The following GOLGA3 variants were observed in gnomAD, a reference collection of about 807,000 sequenced individuals.
GOLGA3 encodes the protein golgin A3, also known as golgin subfamily A member 3.
A neutral mutation model predicts 169.4 loss-of-function variants in GOLGA3; 75 were observed. The ratio of observed to expected loss-of-function variants is 0.44; its 90% CI spans 0.37 to 0.54. The LOEUF (loss-of-function observed/expected upper bound fraction) is 0.54, where lower values mean the gene tolerates loss of function less well. Among genes scored for constraint, GOLGA3 ranks in the 20% least tolerant of loss-of-function variants. GOLGA3 has a pLI of 0.00. For synonymous variants in GOLGA3, 824 were observed against 822.4 expected (o/e 1.00, Z -0.03); for missense variants, 1,899 against 1,930.0 (o/e 0.98, Z 0.30).
At position 132,792,730 on chromosome 12, in the gene GOLGA3, C is replaced by T. The variant is rs184064499; in HGVS notation, c.2470-1437G>A. ...GAGGGCTCCACACGGACCGACCGCA[C>T]GGGACCTGCACTCGGAGGGCTCCAC... On this transcript the variant is annotated intron_variant, in intron 11 of 23. Coordinates refer to ENST00000450791, the MANE Select transcript of GOLGA3 (RefSeq NM_001389683.1). Among the ~76,000 whole-genome samples the T allele has an allele frequency of 1.6e-3, 223 of 135,956 alleles. 12 individuals carry two copies. The highest frequency in any genetic ancestry group is 5.9e-3 in the African/African-American group (209 of 35,606). The allele number at this position is 135,956 out of a possible 152,430, so 89.2% of individuals were successfully genotyped here.
rs934490328 is a variant in GOLGA3, at chr12:132,769,412, A to G, written c.*3693T>C. The G allele has an allele frequency of 3.3e-5, 5 of 152,278 alleles. No individual in the cohort carries two copies. In the East Asian group the frequency reaches 9.6e-4, roughly 29 times the overall value. 9.4% of individuals were successfully genotyped at this position (152,278 alleles called of 1,614,324 possible). Reference sequence around the variant, plus strand: ...CCTGCACCAAGGAGAGTTGAGGGCCAGCTCCTTAGCGCAGCACAGCACGGA... The same window carrying G: ...CCTGCACCAAGGAGAGTTGAGGGCCGGCTCCTTAGCGCAGCACAGCACGGA... On this transcript the variant is annotated 3_prime_UTR_variant, in exon 24 of 24. Transcript: ENST00000450791.
At position 132,789,019 on chromosome 12, in the gene GOLGA3, G is replaced by T; in HGVS notation, c.2811+8C>A. On this transcript the variant is annotated splice_region_variant and intron_variant, in intron 13 of 23. Coordinates refer to ENST00000450791, the MANE Select transcript of GOLGA3 (RefSeq NM_001389683.1). ...CCCATCAAATGAGTCAACCCGACAC[G>T]GACAGACCTGCAAGTGTGTTTCCAT... 7.5e-7 allele frequency: 1 copy of T among 1,339,580 alleles called. No homozygotes were observed. The highest frequency in any genetic ancestry group is 9.9e-7 in the Non-Finnish European group (1 of 1,012,374). The allele number at this position is 1,339,580 out of a possible 1,614,324, so 83.0% of individuals were successfully genotyped here. A position where few individuals can be genotyped will look rare whatever the true frequency, so the allele number is the denominator to read the frequency against.
At chr12:132,799,537 G>T (rs141964579) in intron 8 of GOLGA3, among the ~76,000 whole-genome samples, 3 of 152,146 alleles carry the variant, frequency 2.0e-5, no homozygotes, top group Admixed American at 2.0e-4. Context: ...CTACTTGGGG[G>T]GCTGAGGCAG....
chr12:132,806,333 C>T (rs1313041443), intron 6 of GOLGA3, among the ~76,000 whole-genome samples: 2 of 152,194 alleles, frequency 1.3e-5, no homozygotes, highest in East Asian at 1.9e-4. Flanking sequence ...ATGCATCCGA[C>T]GGAGGGAGGC....
rs1484189605 is a variant in GOLGA3 at position 132,796,656 on chromosome 12, C to T, written c.1983G>A (p.Glu661=). ...GGTCCTCCTCCACCATCGTCTTTGC[C>T]TCCTGAATCTGCATGAAGGCTGCTT... ...DQEAAFMQIQ[E]AKTMVEEDLQ... Residue 661 remains glutamate (E), a synonymous_variant, in exon 10 of 24, where the codon GAG becomes GAA. Coordinates refer to ENST00000450791, the MANE Select transcript of GOLGA3 (RefSeq NM_001389683.1). 3.1e-6 allele frequency: 5 copies of T among 1,614,130 alleles called. No homozygotes were observed. The highest frequency in any genetic ancestry group is 4.2e-6 in the Non-Finnish European group (5 of 1,180,014).
intron 10 of GOLGA3, 22 bp from the exon 11 acceptor site, chr12:132,796,242 C>T (rs375750128): frequency 6.4e-7 from 1 of 1,569,332 alleles, no homozygotes; most frequent in Non-Finnish European, 8.6e-7. Context: ...ATGAAGCCCA[C>T]ATGGCTGCGC....
At chr12:132,803,269 T>C (rs1310878899) in intron 7 of GOLGA3, among the ~76,000 whole-genome samples, 1 of 152,212 alleles carries the variant, frequency 6.6e-6, no homozygotes, top group African/African-American at 2.4e-5. Context: ...CGTACTCTGC[T>C]GCTCCACACG....
chr12:132,774,107 G>A lies in GOLGA3; in HGVS notation c.4307+50C>T, dbSNP rs199601810. The A allele has an allele frequency of 4.4e-5, 66 of 1,498,722 alleles. No individual in the cohort carries two copies. In the East Asian group the frequency reaches 1.3e-3, roughly 29 times the overall value. 92.8% of individuals were successfully genotyped at this position (1,498,722 alleles called of 1,614,324 possible). A position where few individuals can be genotyped will look rare whatever the true frequency, so the allele number is the denominator to read the frequency against. ...CCAGGAGTGCCCTCCCAGGTAAGAG[G>A]GCATTAATCTTTAAGACTAGCTGAA... On this transcript the variant is annotated intron_variant, in intron 23 of 23. Coordinates refer to ENST00000450791, the MANE Select transcript of GOLGA3 (RefSeq NM_001389683.1).
rs374171027 is a variant in GOLGA3, at chr12:132,774,310, G to A, written c.4154C>T (p.Pro1385Leu). 2.5e-5 allele frequency: 41 copies of A among 1,611,880 alleles called. 2 individuals are homozygous for A. The highest frequency in any genetic ancestry group is 1.6e-4 in the South Asian group (15 of 91,072). Residue 1385 changes from proline to leucine, a missense_variant, in exon 23 of 24, where the codon CCG (proline) becomes CTG (leucine). By Grantham distance (98) the Pro-to-Leu change is moderately conservative. Coordinates refer to ENST00000450791, the MANE Select transcript of GOLGA3 (RefSeq NM_001389683.1). ...RRGAAKTRKE[P>L]KGEASSSNPA... is the part of the protein sequence containing the mutation. The stretch of plus-strand genomic sequence containing the variant: ...GTTGGAAGAGCTGGCCTCGCCTTTC[G>A]GCTCCTTTCTCTGTTTTTAAAAGCA...
chr12:132,812,023 AC>A (rs1280386161), intron 4 of GOLGA3, among the ~76,000 whole-genome samples: 2,326 of 144,746 alleles, frequency 0.016, 82 homozygotes, highest in African/African-American at 0.059. Context: ...AAAAAAAAAA[AC>A]ATTAAAAAAA....
At chr12:132,810,808 A>G (rs1266497064) in intron 4 of GOLGA3, among the ~76,000 whole-genome samples, 1 of 152,182 alleles carries the variant, frequency 6.6e-6, no homozygotes, top group Non-Finnish European at 1.5e-5. Flanking sequence ...GGAGGGCCTG[A>G]CGTCAGTCAG....
Position 132,822,108 on chromosome 12 carries a change from C to A in GOLGA3, c.21G>T (p.Glu7Asp). 6.2e-7 allele frequency: 1 copy of A among 1,607,650 alleles called. No individual in the cohort carries two copies. The highest frequency in any genetic ancestry group is 8.5e-7 in the Non-Finnish European group (1 of 1,177,702). The change falls in exon 2 of 24, where the codon GAG becomes GAT. Residue 7 changes from glutamate (E) to aspartate (D), a missense_variant. By Grantham distance (45) the Glu-to-Asp change is conservative. Transcript: ENST00000450791. Reference sequence around the variant, plus strand: ...ATCTGTCCTCCTGGAGGCCATCTTGCTCGGCCGACGCGCCGTCCATGGTCA... The same window carrying A: ...ATCTGTCCTCCTGGAGGCCATCTTGATCGGCCGACGCGCCGTCCATGGTCA... MDGASA[E>D]QDGLQEDRSH...
At position 132,822,051 on chromosome 12, in the gene GOLGA3, G is replaced by A. The variant is rs755765406; in HGVS notation, c.78C>T (p.Ala26=). 7 of 1,607,120 alleles carry A rather than the reference G, an allele frequency of 4.4e-6. No individual in the cohort carries two copies. The highest frequency in any genetic ancestry group is 2.2e-5 in the South Asian group (2 of 90,390). The change falls in exon 2 of 24, where the codon GCC becomes GCT. Residue 26 remains alanine (A), a synonymous_variant. Coordinates refer to ENST00000450791, the MANE Select transcript of GOLGA3 (RefSeq NM_001389683.1). ...CCAGTGGGCCCGGGGGCTTCAGTGG[G>A]GCCTCGGGGAGAGACGAGGGGCCAC... is the stretch of plus-strand genomic sequence containing the variant. ...SHSGPSSLPE[A]PLKPPGPLVP... is the part of the protein sequence containing the mutation.
At chr12:132,794,383 C>A (rs1471519432) in intron 11 of GOLGA3, among the ~76,000 whole-genome samples, 1 of 149,782 alleles carries the variant, frequency 6.7e-6, no homozygotes, top group Non-Finnish European at 1.5e-5. Flanking sequence ...CACATTCCGA[C>A]AAGGCCAGGC....
Position 132,777,170 on chromosome 12 carries a change from GTGGAAGGCGTTCGTCC to G in GOLGA3, c.3723-96_3723-81del. The G allele has an allele frequency of 6.8e-7, 1 of 1,463,308 alleles. No individual in the cohort carries two copies. Among genetic ancestry groups the G allele is most frequent in the Non-Finnish European group, 9.2e-7 (1 of 1,087,194 alleles). The allele number at this position is 1,463,308 out of a possible 1,614,324, so 90.6% of individuals were successfully genotyped here. ...GCCCTCCCGCTGGGAAATGCTGCCT[GTGGAAGGCGTTCGTCC>G]TGGCAGGCCCTCTGCTGTGCACTGC... On this transcript the variant is annotated intron_variant, in intron 19 of 23. Coordinates refer to ENST00000450791, the MANE Select transcript of GOLGA3 (RefSeq NM_001389683.1). The surrounding 1 kb of genome is among the most constrained non-coding windows in gnomAD (Gnocchi z 4.7).
Position 132,777,789 on chromosome 12 carries a change from A to G in GOLGA3, c.3599T>C (p.Val1200Ala). ...GTGGCGGCGGTTATGCCCGGCTTCC[A>G]CCTTGGCAGCAGCCACCTAGGAGGA... is the stretch of plus-strand genomic sequence containing the variant. Reference protein sequence around the residue: ...SLKEQVAAAKVEAGHNRRHFK... With the variant: ...SLKEQVAAAKAEAGHNRRHFK... The change falls in exon 19 of 24, where the codon GTG becomes GCG. Residue 1200 changes from valine (V) to alanine (A), a missense_variant. Coordinates refer to ENST00000450791, the MANE Select transcript of GOLGA3 (RefSeq NM_001389683.1). This position sits in a 1 kb window ranked among gnomAD's most constrained non-coding sequence, Gnocchi z 4.7. 1.2e-6 allele frequency: 2 copies of G among 1,613,322 alleles called. No homozygotes were observed. Among genetic ancestry groups the G allele is most frequent in the Non-Finnish European group, 1.7e-6 (2 of 1,179,852 alleles).
chr12:132,798,109 G>T, intron 9 of GOLGA3, among the ~76,000 whole-genome samples: 1 of 138,664 alleles, frequency 7.2e-6, no homozygotes, highest in Non-Finnish European at 1.5e-5. Context: ...GGTGGGGGGG[G>T]TCCCAAAGCC....
intron 6 of GOLGA3, among the ~76,000 whole-genome samples, chr12:132,806,366 T>A (rs1257631469): frequency 6.6e-6 from 1 of 152,186 alleles, no homozygotes; most frequent in Non-Finnish European, 1.5e-5. Flanking sequence ...ACTGGAGAAG[T>A]GACGACCGTA....
chr12:132,825,676 G>C (rs1236202679), intron 1 of GOLGA3: 1 of 968,492 alleles, frequency 1.0e-6, no homozygotes, highest in Non-Finnish European at 1.7e-6. Flanking sequence ...AACTGGAAGA[G>C]CACCTTTTTT....
Sources: gnomAD v4.1 joint callset for allele counts (sites outside exome capture counted in the v4.1 genomes callset) on GRCh38, gnomAD v4.1.1 for gene constraint, Gnocchi (gnomAD v3.1) non-coding constraint, MANE v1.5 for transcripts, NCBI Gene and HGNC (gene_info 2026-07-23, HGNC 2026-07-21) for gene names.